Variants in ZNF695 observed in about 807,000 individuals in gnomAD.
The protein encoded by ZNF695 is zinc finger protein SBZF3.
A neutral mutation model predicts 11.2 loss-of-function variants in ZNF695; 11 were observed. That is an observed-to-expected ratio of 0.98 (90% CI 0.62 to 1.62). ZNF695 has a LOEUF of 1.62. ZNF695 is among the 40% of genes most tolerant of loss of function. The probability of loss-of-function intolerance (pLI) is 0.00; values close to 1 mark genes in which losing one functional copy is unlikely to be tolerated. For missense variants in ZNF695, 559 were observed against 590.5 expected, an observed-to-expected ratio of 0.95 and a Z score of 0.55; for synonymous variants, 190 against 201.4, an observed-to-expected ratio of 0.94 and a Z score of 0.48.
intron 1 of ZNF695, among the ~76,000 whole-genome samples, chr1:247,003,257 A>C (rs1276540828): frequency 6.6e-6 from 1 of 152,240 alleles, no homozygotes; most frequent in Non-Finnish European, 1.5e-5. Context: ...GACATACATG[A>C]ACACCAGGGA....
chr1:246,979,043 C>T (rs1286032299), intron 4 of ZNF695, among the ~76,000 whole-genome samples: 1 of 152,166 alleles, frequency 6.6e-6, no homozygotes, highest in East Asian at 1.9e-4. Context: ...AGCCTGACTA[C>T]TGTTCAAAGT....
chr1:246,953,070 C>T (rs931841605), intron 5 of ZNF695, among the ~76,000 whole-genome samples: 6 of 152,166 alleles, frequency 3.9e-5, no homozygotes, highest in Non-Finnish European at 7.3e-5. Context: ...GACTGTAATA[C>T]TTCCCTAGGC....
intron 5 of ZNF695, among the ~76,000 whole-genome samples, chr1:246,961,208 T>C (rs1668154664): frequency 6.6e-6 from 1 of 152,176 alleles, no homozygotes; most frequent in South Asian, 2.1e-4. Context: ...AAAAATTATA[T>C]ACGTTACTCC....
intron 5 of ZNF695, among the ~76,000 whole-genome samples, chr1:246,965,025 T>G (rs1668251641): frequency 6.6e-6 from 1 of 152,002 alleles, no homozygotes; most frequent in Non-Finnish European, 1.5e-5. Context: ...AATCCATGGG[T>G]TAACAGATTA....
At chr1:246,961,734 C>A (rs1335014794) in intron 5 of ZNF695, among the ~76,000 whole-genome samples, 2 of 152,200 alleles carry the variant, frequency 1.3e-5, no homozygotes, top group Non-Finnish European at 2.9e-5. Flanking sequence ...TGCCCTCGGG[C>A]TCCACATCCT....
chr1:247,007,803 G>T, intron 1 of ZNF695, 103 bp downstream of exon 1: 1 of 1,381,828 alleles, frequency 7.2e-7, no homozygotes, highest in South Asian at 1.7e-5. Flanking sequence ...CTCCGGAGCC[G>T]ACCGCCGGGA....
At position 246,986,746 on chromosome 1, in the gene ZNF695, G is replaced by A; in HGVS notation, c.*221C>T. On this transcript the variant is annotated 3_prime_UTR_variant, in exon 4 of 4. Coordinates refer to ENST00000339986, the MANE Select transcript of ZNF695 (RefSeq NM_020394.5). ...GTTTCCCTCCAGTATAAATTCTTCT[G>A]TGTACAGTAAGAGCTGTGATATAAG... 1 of 1,269,432 alleles carries A rather than the reference G, an allele frequency of 7.9e-7. No individual in the cohort carries two copies. The highest frequency in any genetic ancestry group is 3.1e-5 in the East Asian group (1 of 32,706). 78.6% of individuals were successfully genotyped at this position (1,269,432 alleles called of 1,614,324 possible).
At position 247,000,054 on chromosome 1, in the gene ZNF695, ATCCC is replaced by A; in HGVS notation, c.20_23del (p.Arg7MetfsTer4). 6.2e-7 allele frequency: 1 copy of A among 1,608,922 alleles called. No homozygotes were observed. The highest frequency in any genetic ancestry group is 2.2e-5 in the East Asian group (1 of 44,828). Reference sequence around the variant, plus strand: ...CCTCTGGAGAGAATTCTAGAGCCACATCCCTGAATGCCAATAGTCCCTGAAAAAG... The same window carrying A: ...CCTCTGGAGAGAATTCTAGAGCCACATGAATGCCAATAGTCCCTGAAAAAG... On this transcript the variant is annotated frameshift_variant, in exon 2 of 4. Coordinates refer to ENST00000339986, the MANE Select transcript of ZNF695 (RefSeq NM_020394.5). LOFTEE classifies it high-confidence loss of function.
intron 1 of ZNF695, 42 bp downstream of exon 1, chr1:247,007,864 A>AC: frequency 6.6e-7 from 1 of 1,513,718 alleles, no homozygotes; most frequent in East Asian, 2.6e-5. Context: ...GATTCCAACC[A>AC]CCCCCTCTCC....
At chr1:246,974,161 CA>C (rs912540573) in intron 4 of ZNF695, among the ~76,000 whole-genome samples, 6,923 of 142,734 alleles carry the variant, frequency 0.049, 563 homozygotes, top group African/African-American at 0.17. Context: ...AACAAACAAA[CA>C]AAAAAAAACA....
At chr1:246,952,749 A>T (rs77066151) in intron 5 of ZNF695, among the ~76,000 whole-genome samples, 15,645 of 151,692 alleles carry the variant, frequency 0.1, 879 homozygotes, top group Middle Eastern at 0.16. Flanking sequence ...TTCATCTTTT[A>T]TTCCTCAACA....
chr1:247,007,238 G>A (rs1275682794), intron 1 of ZNF695, among the ~76,000 whole-genome samples: 2 of 151,950 alleles, frequency 1.3e-5, no homozygotes, highest in African/African-American at 4.8e-5. Flanking sequence ...GGGCGCGGTG[G>A]CTCACGCCTG....
At chr1:246,982,619 A>C (rs1668739042), downstream of ZNF695, among the ~76,000 whole-genome samples, 1 of 152,216 alleles carries the variant, frequency 6.6e-6, no homozygotes, top group South Asian at 2.1e-4. Flanking sequence ...ACAAACAAAC[A>C]ATGCTAACTG....
Position 246,986,753 on chromosome 1 carries a change from G to GT in ZNF695, c.*213dup. 7.8e-7 allele frequency: 1 copy of GT among 1,286,668 alleles called. No homozygotes were observed. Among genetic ancestry groups the GT allele is most frequent in the Non-Finnish European group, 9.8e-7 (1 of 1,020,340 alleles). The allele number at this position is 1,286,668 out of a possible 1,614,324, so 79.7% of individuals were successfully genotyped here. On this transcript the variant is annotated 3_prime_UTR_variant, in exon 4 of 4. Transcript: ENST00000339986. ...TCCAGTATAAATTCTTCTGTGTACAGTAAGAGCTGTGATATAAGTGGAGGT... is the reference window on the plus strand; with the variant it reads ...TCCAGTATAAATTCTTCTGTGTACAGTTAAGAGCTGTGATATAAGTGGAGGT...
At chr1:246,989,381 T>C (rs1034470407) in intron 3 of ZNF695, among the ~76,000 whole-genome samples, 2 of 152,168 alleles carry the variant, frequency 1.3e-5, no homozygotes, top group East Asian at 1.9e-4. Flanking sequence ...AGCTAAGGCG[T>C]AGAGTTTTTA....
At chr1:246,963,618 C>G (rs995852110) in intron 5 of ZNF695, among the ~76,000 whole-genome samples, 4 of 152,032 alleles carry the variant, frequency 2.6e-5, no homozygotes, top group African/African-American at 9.7e-5. Context: ...AGAGCAGGTG[C>G]GGGGGTTATT....
rs534970008 is a variant in ZNF695 at position 246,964,165 on chromosome 1, G to A, written c.488+3530C>T. Among the ~76,000 whole-genome samples the A allele has an allele frequency of 8.5e-5, 13 of 152,150 alleles. No homozygotes were observed. In the South Asian group the frequency reaches 1.0e-3, roughly 12 times the overall value. ...AGCACCTCCGCGTGTTCAGCAGCCC[G>A]GAAGCTCTCCAAACCCCACAGTTCA... On this transcript the variant is annotated intron_variant, in intron 5 of 5. Coordinates refer to the ZNF695 transcript ENST00000487338.
At chr1:246,978,813 T>C (rs1161803341) in intron 4 of ZNF695, among the ~76,000 whole-genome samples, 1 of 151,640 alleles carries the variant, frequency 6.6e-6, no homozygotes, top group Non-Finnish European at 1.5e-5. Flanking sequence ...TCTGCTTTGT[T>C]GCAAATTTTC....
intron 3 of ZNF695, among the ~76,000 whole-genome samples, chr1:246,992,508 T>C (rs911414745): frequency 6.6e-6 from 1 of 152,134 alleles, no homozygotes; most frequent in Non-Finnish European, 1.5e-5. Flanking sequence ...AGGGTGACCA[T>C]AGTCAAAGAT....
Sources: allele counts gnomAD v4.1 joint callset (sites outside exome capture counted in the v4.1 genomes callset), GRCh38; gene constraint gnomAD v4.1.1; transcripts MANE v1.5; gene names NCBI Gene and HGNC (gene_info 2026-07-23, HGNC 2026-07-21).